Variants in DYNC2H1 observed in about 807,000 individuals in gnomAD.
The protein encoded by DYNC2H1 is dynein cytoplasmic 2 heavy chain 1, also known as cytoplasmic dynein 2 heavy chain 1.
In DYNC2H1, 410 loss-of-function variants were observed where a neutral mutation model predicts 570.0. The ratio of observed to expected loss-of-function variants is 0.72; its 90% confidence interval spans 0.66 to 0.78. DYNC2H1 has a LOEUF of 0.78. Among genes scored for constraint, DYNC2H1 ranks in the 30% least tolerant of loss-of-function variants. The probability of loss-of-function intolerance (pLI) is 0.00; values close to 1 mark genes in which losing one functional copy is unlikely to be tolerated. For synonymous variants in DYNC2H1, 1,688 were observed against 1,677.6 expected (o/e 1.01, Z -0.15); for missense variants, 4,865 against 5,046.4 (o/e 0.96, Z 1.09).
rs1364926435 is a variant in DYNC2H1 at position 103,199,054 on chromosome 11, A to G, written c.7840-174A>G. On this transcript the variant is annotated intron_variant, in intron 48 of 88. Coordinates refer to ENST00000375735, the MANE Select transcript of DYNC2H1 (RefSeq NM_001377.3). The surrounding 1 kb of genome is among the most constrained non-coding windows in gnomAD (Gnocchi z 4.6). ...GAGTTTTTCCTTAGAGAATGCCAAT[A>G]TATTTATCCAGGATTACCAGACATA... 1.3e-5 allele frequency among the ~76,000 whole-genome samples: 2 copies of G among 152,170 alleles called. No individual in the cohort carries two copies. Among genetic ancestry groups the G allele is most frequent in the Non-Finnish European group, 2.9e-5 (2 of 68,032 alleles).
rs762062278 is a variant in DYNC2H1 at position 103,323,967 on chromosome 11, T to A, written c.12016T>A (p.Ser4006Thr). The part of the protein sequence containing the change: ...FGLPANIARS[S>T]QRMISSQVIS... Reference sequence around the variant, plus strand: ...TCTGCCTGCCAATATCGCTCGCTCATCTCAGCGCATGATCAGTTCTCAGGT... The same window carrying A: ...TCTGCCTGCCAATATCGCTCGCTCAACTCAGCGCATGATCAGTTCTCAGGT... Residue 4006 changes from serine to threonine, a missense_variant, in exon 82 of 89, where the codon TCT (serine) becomes ACT (threonine). Ser to Thr is a moderately conservative substitution (Grantham distance 58). Transcript: ENST00000375735. 6.2e-7 allele frequency: 1 copy of A among 1,611,830 alleles called. No homozygotes were observed. Among genetic ancestry groups the A allele is most frequent in the South Asian group, 1.1e-5 (1 of 90,600 alleles).
intron 88 of DYNC2H1, among the ~76,000 whole-genome samples, chr11:103,468,909 A>G (rs1485214182): frequency 6.6e-6 from 1 of 152,226 alleles, no homozygotes; most frequent in Non-Finnish European, 1.5e-5. Flanking sequence ...TTTGTTATAG[A>G]AAGAATAACA....
chr11:103,327,886 C>T (rs1591584308), intron 82 of DYNC2H1, among the ~76,000 whole-genome samples: 1 of 152,136 alleles, frequency 6.6e-6, no homozygotes, highest in African/African-American at 2.4e-5. Flanking sequence ...ACACAGCTCC[C>T]CAGGCTAAGT....
In DYNC2H1 at chr11:103,321,011, GT is replaced by G. The variant is rs758949082; in HGVS notation, c.11726-11del. Reference sequence around the variant, plus strand: ...TATTTTAGAAATGAAATTAATGAGTGTTTTTTTAAAATTATAGGTGCCAAAG... The same window carrying G: ...TATTTTAGAAATGAAATTAATGAGTGTTTTTTAAAATTATAGGTGCCAAAG... On this transcript the variant is annotated splice_polypyrimidine_tract_variant and intron_variant, in intron 80 of 88. Coordinates refer to ENST00000375735, the MANE Select transcript of DYNC2H1 (RefSeq NM_001377.3). 10 of 1,567,704 alleles carry G rather than the reference GT, an allele frequency of 6.4e-6. No individual in the cohort carries two copies. In the Admixed American group the frequency reaches 1.1e-4, roughly 17 times the overall value.
intron 83 of DYNC2H1, among the ~76,000 whole-genome samples, chr11:103,386,907 A>G: frequency 6.6e-6 from 1 of 151,000 alleles, no homozygotes; most frequent in Non-Finnish European, 1.5e-5. Context: ...TCGTTGTTGG[A>G]CATTTGGGTT....
chr11:103,268,388 G>A lies in DYNC2H1; in HGVS notation c.10695+8411G>A, dbSNP rs1327150703. Among the ~76,000 whole-genome samples the A allele has an allele frequency of 6.6e-6, 1 of 151,616 alleles. No individual in the cohort carries two copies. Among genetic ancestry groups the A allele is most frequent in the East Asian group, 1.9e-4 (1 of 5,188 alleles). ...TCTGTTTTCTTGATATTTTAAATAA[G>A]CTTTTGCTTTATATAGAAAAAGTCT... is the stretch of plus-strand genomic sequence containing the variant. On this transcript the variant is annotated intron_variant, in intron 70 of 88. Transcript: ENST00000375735. The surrounding 1 kb of genome is among the most constrained non-coding windows in gnomAD (Gnocchi z 4.6).
At chr11:103,372,493 T>C (rs780960150) in intron 83 of DYNC2H1, among the ~76,000 whole-genome samples, 5 of 152,208 alleles carry the variant, frequency 3.3e-5, no homozygotes, top group Non-Finnish European at 5.9e-5. Flanking sequence ...GAAATGATCA[T>C]GTGGCTTTTG....
intron 84 of DYNC2H1, among the ~76,000 whole-genome samples, chr11:103,431,677 A>T (rs1165118467): frequency 6.6e-6 from 1 of 152,170 alleles, no homozygotes; most frequent in Admixed American, 6.6e-5. Flanking sequence ...TTCCTGTAAC[A>T]TAATCTGTCC....
chr11:103,237,558 T>A (rs563151164), intron 63 of DYNC2H1, among the ~76,000 whole-genome samples: 3 of 147,920 alleles, frequency 2.0e-5, no homozygotes, highest in East Asian at 2.1e-4. Context: ...ACTTTTAAAA[T>A]TTTTTTTATT....
intron 31 of DYNC2H1, among the ~76,000 whole-genome samples, chr11:103,166,990 CTTTTTTTT>C (rs34816989): frequency 1.8e-5 from 1 of 56,992 alleles, no homozygotes; most frequent in Non-Finnish European, 3.0e-5. Context: ...GAGGCGCTGC[CTTTTTTTT>C]TTTTTTTTTT....
intron 82 of DYNC2H1, among the ~76,000 whole-genome samples, chr11:103,340,221 T>C (rs1396583741): frequency 2.6e-5 from 4 of 152,220 alleles, no homozygotes; most frequent in African/African-American, 4.8e-5. Context: ...GGATGATTGC[T>C]GGAGGGTTCT....
intron 65 of DYNC2H1, among the ~76,000 whole-genome samples, chr11:103,247,476 G>T (rs1446241410): frequency 6.6e-6 from 1 of 152,046 alleles, no homozygotes; most frequent in Non-Finnish European, 1.5e-5. Flanking sequence ...CCGAAGACTG[G>T]TAGATCACTG....
chr11:103,453,296 A>G (rs1484305183), intron 85 of DYNC2H1, among the ~76,000 whole-genome samples: 1 of 150,378 alleles, frequency 6.6e-6, no homozygotes, highest in Non-Finnish European at 1.5e-5. Flanking sequence ...ATGTGTGCAT[A>G]TTTCTGGTTA....
In DYNC2H1 at chr11:103,189,749, A is replaced by G; in HGVS notation, c.7370A>G (p.His2457Arg). 1 of 1,612,652 alleles carries G rather than the reference A, an allele frequency of 6.2e-7. No individual in the cohort carries two copies. Among genetic ancestry groups the G allele is most frequent in the Admixed American group, 1.7e-5 (1 of 60,000 alleles). Residue 2457 changes from histidine to arginine, a missense_variant, in exon 45 of 89, where the codon CAT (histidine) becomes CGT (arginine). Physicochemically the swap from His to Arg is conservative, Grantham distance 29 (BLOSUM62 0). Around this residue, in one of 5 missense-constraint regions of DYNC2H1, gnomAD observed 2,401 missense variants for 2,454.6 expected, o/e 0.98. Coordinates refer to ENST00000375735, the MANE Select transcript of DYNC2H1 (RefSeq NM_001377.3). This position sits in a 1 kb window ranked among gnomAD's most constrained non-coding sequence, Gnocchi z 4.3. ...EPVLHKNLKN[H>R]SIWGSSSKIY... The stretch of plus-strand genomic sequence containing the variant: ...GTTCTACATAAAAATCTGAAGAATC[A>G]TTCTATTTGGGGTTCTTCATCAAAA...
chr11:103,394,592 G>A (rs1350700587), intron 83 of DYNC2H1, among the ~76,000 whole-genome samples: 1 of 151,864 alleles, frequency 6.6e-6, no homozygotes, highest in Admixed American at 6.6e-5. Context: ...TATGAGTTTG[G>A]TGAGTTCAAA....
chr11:103,419,764 C>A (rs1354726261), intron 84 of DYNC2H1, among the ~76,000 whole-genome samples: 1 of 152,068 alleles, frequency 6.6e-6, no homozygotes, highest in South Asian at 2.1e-4. Context: ...TGCAAGGGCA[C>A]AGAACTGGGC....
At chr11:103,284,084 A>T (rs1565461647) in intron 73 of DYNC2H1, among the ~76,000 whole-genome samples, 2 of 152,098 alleles carry the variant, frequency 1.3e-5, no homozygotes, top group Admixed American at 6.5e-5. Flanking sequence ...TTACCCTTGA[A>T]ATCTAATCAG....
chr11:103,439,509 C>G lies in DYNC2H1; in HGVS notation c.12456+3477C>G, dbSNP rs515238. Among the ~76,000 whole-genome samples the G allele has an allele frequency of 0.63, 95,854 of 151,364 alleles. 30,954 individuals carry two copies. Among genetic ancestry groups the G allele is most frequent in the East Asian group, 0.88 (4,527 of 5,130 alleles). ...TAAGGACAAAAGGTAACCATTGCAGCATTTTAAGAAGGAAAGTCAGATTAT... is the reference window on the plus strand; with the variant it reads ...TAAGGACAAAAGGTAACCATTGCAGGATTTTAAGAAGGAAAGTCAGATTAT... On this transcript the variant is annotated intron_variant, in intron 85 of 88. Coordinates refer to ENST00000375735, the MANE Select transcript of DYNC2H1 (RefSeq NM_001377.3). This position sits in a 1 kb window ranked among gnomAD's most constrained non-coding sequence, Gnocchi z 4.1.
At chr11:103,152,738 T>C (rs1226126885) in intron 21 of DYNC2H1, among the ~76,000 whole-genome samples, 1 of 152,194 alleles carries the variant, frequency 6.6e-6, no homozygotes, top group East Asian at 1.9e-4. Context: ...GTCAATCTTT[T>C]TGTCTACCAT....
Sources: gnomAD v4.1 joint callset for allele counts (sites outside exome capture counted in the v4.1 genomes callset) on GRCh38, gnomAD v4.1.1 for gene constraint, gnomAD v4.1.1 regional missense constraint, Gnocchi (gnomAD v3.1) non-coding constraint, MANE v1.5 for transcripts, NCBI Gene and HGNC (gene_info 2026-07-23, HGNC 2026-07-21) for gene names.